The following TRAPPC9 variants were observed in gnomAD, a reference collection of about 807,000 sequenced individuals.
TRAPPC9 encodes trafficking protein particle complex subunit 9.
In TRAPPC9, 83 loss-of-function variants were observed where a neutral mutation model predicts 124.0. The observed-to-expected ratio is 0.67, with a 90% CI of 0.56 to 0.80. The LOEUF is 0.80. TRAPPC9 is among the 30% of genes least tolerant of loss of function. TRAPPC9 has a pLI of 0.00. For missense variants in TRAPPC9, 1,302 were observed against 1,508.3 expected, an observed-to-expected ratio of 0.86 and a Z score of 2.27; for synonymous variants, 638 against 617.5, an observed-to-expected ratio of 1.03 and a Z score of -0.49.
chr8:139,955,045 T>C (rs1834885340), intron 19 of TRAPPC9, among the ~76,000 whole-genome samples: 1 of 152,224 alleles, frequency 6.6e-6, no homozygotes. Context: ...AAGGATTCTG[T>C]ATTTAATTTT....
rs1187430817 is a variant in TRAPPC9 at position 139,984,511 on chromosome 8, G to A, written c.2810+4215C>T. Among the ~76,000 whole-genome samples the A allele has an allele frequency of 6.6e-6, 1 of 152,152 alleles. No homozygotes were observed. Among genetic ancestry groups the A allele is most frequent in the African/African-American group, 2.4e-5 (1 of 41,434 alleles). On this transcript the variant is annotated intron_variant, in intron 19 of 22. Transcript: ENST00000438773. The surrounding 1 kb of genome is among the most constrained non-coding windows in gnomAD (Gnocchi z 4.3). ...TCGTAGGGGAACGGGAGAGCCAGGAGAGAGGTTCGGCTCAGGACTCTGGGA... is the reference window on the plus strand; with the variant it reads ...TCGTAGGGGAACGGGAGAGCCAGGAAAGAGGTTCGGCTCAGGACTCTGGGA...
chr8:140,020,073 T>G (rs1486354253), intron 18 of TRAPPC9, among the ~76,000 whole-genome samples: 1 of 152,212 alleles, frequency 6.6e-6, no homozygotes, highest in African/African-American at 2.4e-5. Context: ...TCTGTGGAAT[T>G]AGTAGTAATG....
rs971077545 is a variant in TRAPPC9 at position 140,284,142 on chromosome 8, G to A, written c.1982-121C>T. On this transcript the variant is annotated intron_variant, in intron 13 of 22. Coordinates refer to ENST00000438773, the MANE Select transcript of TRAPPC9 (RefSeq NM_001160372.4). ...GAAGACCTGAGTTCCGAAGCTGCCC[G>A]GGGCCCGCCGGCGCTCACCCACACT... The A allele has an allele frequency of 5.2e-5, 69 of 1,336,344 alleles. No homozygotes were observed. The Middle Eastern group carries it at 7.4e-4, about 14-fold the overall frequency. 82.8% of individuals were successfully genotyped at this position (1,336,344 alleles called of 1,614,324 possible).
intron 2 of TRAPPC9, among the ~76,000 whole-genome samples, chr8:140,445,029 C>G (rs1435826601): frequency 2.0e-5 from 3 of 152,182 alleles, no homozygotes; most frequent in Non-Finnish European, 2.9e-5. Context: ...TGCCAACAAC[C>G]ATGTGTCTCT....
At chr8:139,850,551 T>G (rs545261711) in intron 21 of TRAPPC9, among the ~76,000 whole-genome samples, 1 of 152,348 alleles carries the variant, frequency 6.6e-6, no homozygotes, top group Non-Finnish European at 1.5e-5. Flanking sequence ...CTAATATACA[T>G]GCCAATGCAT....
intron 16 of TRAPPC9, among the ~76,000 whole-genome samples, chr8:140,224,487 TG>T (rs997650715): frequency 6.6e-6 from 1 of 152,084 alleles, no homozygotes; most frequent in Non-Finnish European, 1.5e-5. Context: ...TGAAAAACAG[TG>T]GTGTTCAGTG....
chr8:140,101,591 G>A (rs2060582367), intron 17 of TRAPPC9, among the ~76,000 whole-genome samples: 1 of 121,478 alleles, frequency 8.2e-6, no homozygotes, highest in Non-Finnish European at 1.6e-5. Context: ...CACCCAGGCT[G>A]GAGTGCAATG....
At chr8:140,033,657 GGTTTTTTTTTTTTTTTTTTTTTTTT>G (rs1840649073) in intron 17 of TRAPPC9, among the ~76,000 whole-genome samples, 1 of 49,264 alleles carries the variant, frequency 2.0e-5, no homozygotes, top group African/African-American at 4.2e-5. Context: ...TTCATAATGT[GGTTTTTTTTTTTTTTTTTTTTTTTT>G]TTTTTTTTTT....
At chr8:139,938,978 A>G (rs962384366) in intron 19 of TRAPPC9, among the ~76,000 whole-genome samples, 5 of 152,226 alleles carry the variant, frequency 3.3e-5, no homozygotes, top group Admixed American at 6.5e-5. Flanking sequence ...GGAGAGAAAT[A>G]AGACAAATGA....
rs1270056021 is a variant in TRAPPC9, at chr8:139,806,400, G to A, written c.3056-74198C>T. Among the ~76,000 whole-genome samples the A allele has an allele frequency of 5.3e-5, 8 of 152,198 alleles. No homozygotes were observed. The East Asian group carries it at 1.5e-3, about 29-fold the overall frequency. On this transcript the variant is annotated intron_variant, in intron 21 of 22. Transcript: ENST00000438773. The stretch of plus-strand genomic sequence containing the variant: ...TGTCCCCTCTGTCACTGTCCTTGGT[G>A]GACTAAAACGCAGGCACATGATCTT...
chr8:140,083,901 G>A (rs13278171), intron 17 of TRAPPC9, among the ~76,000 whole-genome samples: 51,751 of 151,914 alleles, frequency 0.34, 10,918 homozygotes, highest in East Asian at 0.56. Flanking sequence ...TCCTGACCTC[G>A]TGATCCGCCC....
rs375126390 is a variant in TRAPPC9, at chr8:139,924,897, G to A, written c.2811-14597C>T. 1.2e-4 allele frequency among the ~76,000 whole-genome samples: 18 copies of A among 152,246 alleles called. No individual in the cohort carries two copies. In the East Asian group the frequency reaches 2.5e-3, roughly 21 times the overall value. On this transcript the variant is annotated intron_variant, in intron 19 of 22. Transcript: ENST00000438773. The stretch of plus-strand genomic sequence containing the variant: ...GTTTGCTGAATGAGTTACTGGAAAC[G>A]GCCTTAGATCACCTGAATGACTTTC...
chr8:140,272,120 G>GTGATGGTGATTATGGTGGTGGCAATGA (rs1554657937), intron 15 of TRAPPC9, among the ~76,000 whole-genome samples: 1 of 126,286 alleles, frequency 7.9e-6, no homozygotes, highest in African/African-American at 3.1e-5. Flanking sequence ...GGTGGCAATG[G>GTGATGGTGATTATGGTGGTGGCAATGA]TGATGGTGGC....
intron 5 of TRAPPC9, among the ~76,000 whole-genome samples, chr8:140,409,149 G>GA (rs961966855): frequency 1.1e-4 from 16 of 140,550 alleles, no homozygotes; most frequent in Admixed American, 2.1e-4. Flanking sequence ...AAATCCAACA[G>GA]AAAAAAAAAA....
chr8:140,061,659 T>C (rs976603077), intron 17 of TRAPPC9, among the ~76,000 whole-genome samples: 2 of 152,056 alleles, frequency 1.3e-5, no homozygotes, highest in Non-Finnish European at 2.9e-5. Context: ...GACAGGCGAA[T>C]GAAGTGGAAG....
At chr8:140,264,105 T>C (rs540604012) in intron 15 of TRAPPC9, among the ~76,000 whole-genome samples, 6 of 152,128 alleles carry the variant, frequency 3.9e-5, no homozygotes, top group Non-Finnish European at 8.8e-5. Flanking sequence ...TATGTAAAAA[T>C]AGCCTAATAA....
chr8:140,171,930 T>C (rs886632512), intron 17 of TRAPPC9, among the ~76,000 whole-genome samples: 1 of 152,148 alleles, frequency 6.6e-6, no homozygotes, highest in Non-Finnish European at 1.5e-5. Context: ...TTGAGGAGTA[T>C]CTGGCGGCGT....
intron 17 of TRAPPC9, among the ~76,000 whole-genome samples, chr8:140,079,480 C>A (rs78543750): frequency 9.2e-5 from 14 of 152,094 alleles, no homozygotes; most frequent in South Asian, 2.1e-4. Flanking sequence ...CCACAAGCAG[C>A]GGCTCCAGCA....
At chr8:139,791,499 T>C (rs1462070146) in intron 21 of TRAPPC9, among the ~76,000 whole-genome samples, 1 of 140,442 alleles carries the variant, frequency 7.1e-6, no homozygotes, top group East Asian at 2.2e-4. Context: ...CCATCTCCCC[T>C]GCCCACAGAC....
Sources: allele counts gnomAD v4.1 joint callset (sites outside exome capture counted in the v4.1 genomes callset), GRCh38; gene constraint gnomAD v4.1.1; non-coding constraint Gnocchi (gnomAD v3.1); transcripts MANE v1.5; gene names NCBI Gene and HGNC (gene_info 2026-07-23, HGNC 2026-07-21).